Variants in MGAT4C observed in about 807,000 individuals in gnomAD.
The protein encoded by MGAT4C is MGAT4 family member C, also known as alpha-1,3-mannosyl-glycoprotein 4-beta-N-acetylglucosaminyltransferase C.
A neutral mutation model predicts 40.1 loss-of-function variants in MGAT4C; 19 were observed. The ratio of observed to expected loss-of-function variants is 0.47; its 90% CI spans 0.33 to 0.70. The LOEUF (loss-of-function observed/expected upper bound fraction) is 0.70, where lower values mean the gene tolerates loss of function less well. MGAT4C is among the 30% of genes least tolerant of loss of function. The pLI is 0.02. For missense variants in MGAT4C, 491 were observed against 563.2 expected (o/e 0.87, Z 1.30); for synonymous variants, 181 against 187.1 (o/e 0.97, Z 0.27).
chr12:86,205,381 C>G (rs753555393), intron 1 of MGAT4C, among the ~76,000 whole-genome samples: 1 of 151,066 alleles, frequency 6.6e-6, no homozygotes, highest in Non-Finnish European at 1.5e-5. Context: ...TTAAAATTCC[C>G]CCTTGAAAAA....
intron 2 of MGAT4C, among the ~76,000 whole-genome samples, chr12:86,566,793 G>T (rs959181970): frequency 7.0e-6 from 1 of 143,754 alleles, no homozygotes. Context: ...ACTAGTTCTG[G>T]CCCTCTAGAG....
At chr12:86,438,452 CA>C (rs1402376294) in intron 2 of MGAT4C, among the ~76,000 whole-genome samples, 1 of 151,936 alleles carries the variant, frequency 6.6e-6, no homozygotes, top group East Asian at 1.9e-4. Context: ...GCAAGTTATC[CA>C]GAAGATCAGC....
chr12:86,445,448 AG>A (rs1294464776), intron 2 of MGAT4C, among the ~76,000 whole-genome samples: 1 of 152,200 alleles, frequency 6.6e-6, no homozygotes, highest in Non-Finnish European at 1.5e-5. Flanking sequence ...TACAACTGAA[AG>A]AACCGGAAAT....
rs565932190 is a variant in MGAT4C, at chr12:86,345,296, T to C, written c.-119-11169A>G. Among the ~76,000 whole-genome samples, 317 of 152,124 alleles carry C rather than the reference T, an allele frequency of 2.1e-3. 2 individuals carry two copies. The highest frequency in any genetic ancestry group is 7.2e-3 in the African/African-American group (300 of 41,514). On this transcript the variant is annotated intron_variant, in intron 3 of 7. Transcript: ENST00000548651. ...ATTTTATTTTTATTATTATTATACT[T>C]TAAGTTTTAGGGTACATGTGCACAA...
At chr12:86,188,047 G>A (rs1888972300) in intron 1 of MGAT4C, among the ~76,000 whole-genome samples, 1 of 151,980 alleles carries the variant, frequency 6.6e-6, no homozygotes, top group Non-Finnish European at 1.5e-5. Context: ...ATGGGCCTTT[G>A]CCTGTCTTAA....
At chr12:86,635,068 C>G (rs1963177438) in intron 2 of MGAT4C, among the ~76,000 whole-genome samples, 1 of 152,010 alleles carries the variant, frequency 6.6e-6, no homozygotes, top group South Asian at 2.1e-4. Context: ...TATCTTTGTG[C>G]CTCCTATTGC....
At chr12:86,155,408 T>C (rs141739294) in intron 1 of MGAT4C, among the ~76,000 whole-genome samples, 2,763 of 152,312 alleles carry the variant, frequency 0.018, 40 homozygotes, top group South Asian at 0.034. Context: ...CACCATGGAA[T>C]AGAAGGCATA....
intron 2 of MGAT4C, among the ~76,000 whole-genome samples, chr12:86,027,117 T>G (rs982873780): frequency 1.3e-5 from 2 of 151,876 alleles, no homozygotes; most frequent in Non-Finnish European, 2.9e-5. Context: ...AACGAATTTT[T>G]CACTATCACA....
chr12:86,331,237 G>A (rs182203207), intron 4 of MGAT4C, among the ~76,000 whole-genome samples: 6 of 152,256 alleles, frequency 3.9e-5, no homozygotes, highest in Admixed American at 6.6e-5. Flanking sequence ...GCTTCCAAGC[G>A]GTTGCATCCC....
intron 1 of MGAT4C, among the ~76,000 whole-genome samples, chr12:86,169,459 A>G (rs1886557344): frequency 6.6e-6 from 1 of 152,190 alleles, no homozygotes; most frequent in Non-Finnish European, 1.5e-5. Flanking sequence ...TTTTAATTGA[A>G]GGACAGTTAT....
intron 1 of MGAT4C, among the ~76,000 whole-genome samples, chr12:86,765,180 T>C (rs989080931): frequency 1.3e-5 from 2 of 152,212 alleles, no homozygotes; most frequent in South Asian, 2.1e-4. Flanking sequence ...AAGGAGCTGA[T>C]GGAGCTGAAA....
rs890985421 is a variant in MGAT4C, at chr12:85,961,014, C to T, written c.*18275G>A. On this transcript the variant is annotated 3_prime_UTR_variant, in exon 5 of 5. Transcript: ENST00000611864. ...ACTATTTAAAAAACAAAGTCAGTCA[C>T]CTAAATGACTTTCTGACTATAAATT... 7 of 151,942 alleles carry T rather than the reference C, an allele frequency of 4.6e-5. No individual in the cohort carries two copies. The highest frequency in any genetic ancestry group is 1.0e-4 in the Non-Finnish European group (7 of 67,858). The allele number at this position is 151,942 out of a possible 1,614,324, so 9.4% of individuals were successfully genotyped here.
chr12:86,303,765 A>AATTTC (rs1264356589), intron 4 of MGAT4C, among the ~76,000 whole-genome samples: 2 of 150,498 alleles, frequency 1.3e-5, no homozygotes, highest in Non-Finnish European at 2.9e-5. Flanking sequence ...TTAATACACT[A>AATTTC]ATTTCATTTT....
At chr12:86,109,913 C>G (rs1876922376) in intron 1 of MGAT4C, among the ~76,000 whole-genome samples, 1 of 151,584 alleles carries the variant, frequency 6.6e-6, no homozygotes, top group Non-Finnish European at 1.5e-5. Flanking sequence ...ACAGGAGAAT[C>G]TAAATGAGCC....
At chr12:86,216,480 T>G (rs1271195249) in intron 1 of MGAT4C, among the ~76,000 whole-genome samples, 1 of 152,328 alleles carries the variant, frequency 6.6e-6, no homozygotes, top group East Asian at 1.9e-4. Flanking sequence ...GATCTAGAAG[T>G]TTTTTAAGAA....
chr12:86,472,435 T>TGATGTAAG (rs1957769619), intron 2 of MGAT4C, among the ~76,000 whole-genome samples: 1 of 152,168 alleles, frequency 6.6e-6, no homozygotes, highest in East Asian at 1.9e-4. Context: ...TTCTCTAACA[T>TGATGTAAG]CTGAGGTTTT....
In MGAT4C at chr12:86,607,679, T is replaced by A. The variant is rs564815656; in HGVS notation, c.-229+119530A>T. 2.6e-5 allele frequency among the ~76,000 whole-genome samples: 4 copies of A among 152,236 alleles called. No individual in the cohort carries two copies. In the East Asian group the frequency reaches 7.7e-4, roughly 29 times the overall value. On this transcript the variant is annotated intron_variant, in intron 2 of 7. Coordinates refer to the MGAT4C transcript ENST00000548651. The stretch of plus-strand genomic sequence containing the variant: ...AATAATACATTTTAAAAAGGTGAAA[T>A]CATAGATAGGATTAGCCTTTAAAAA...
chr12:86,656,124 T>A lies in MGAT4C; in HGVS notation c.-229+71085A>T, dbSNP rs537403718. Among the ~76,000 whole-genome samples, 498 of 152,210 alleles carry A rather than the reference T, an allele frequency of 3.3e-3. 3 individuals are homozygous for A. Among genetic ancestry groups the A allele is most frequent in the Non-Finnish European group, 5.4e-3 (367 of 67,988 alleles). On this transcript the variant is annotated intron_variant, in intron 2 of 7. Coordinates refer to the MGAT4C transcript ENST00000548651. Reference sequence around the variant, plus strand: ...CTACATTTGAAATTATGTTATTTTTTAAAATTTAAGCTGCCTAAAAATATG... The same window carrying A: ...CTACATTTGAAATTATGTTATTTTTAAAAATTTAAGCTGCCTAAAAATATG...
intron 1 of MGAT4C, among the ~76,000 whole-genome samples, chr12:86,094,524 A>C (rs1592921706): frequency 6.6e-6 from 1 of 152,150 alleles, no homozygotes; most frequent in East Asian, 1.9e-4. Flanking sequence ...TTTAAAAGAC[A>C]AAAGTATATC....
Sources: gnomAD v4.1 joint callset for allele counts (sites outside exome capture counted in the v4.1 genomes callset) on GRCh38, gnomAD v4.1.1 for gene constraint, MANE v1.5 for transcripts, NCBI Gene and HGNC (gene_info 2026-07-23, HGNC 2026-07-21) for gene names.